Variants in FER1L6 observed in about 807,000 individuals in gnomAD.
FER1L6 encodes the protein fer-1 like family member 6, also known as fer-1-like protein 6.
Under a neutral mutation model 219.2 loss-of-function variants are expected in FER1L6, and 177 were observed. That is an observed-to-expected ratio of 0.81 (90% CI 0.71 to 0.91). The LOEUF (loss-of-function observed/expected upper bound fraction) is 0.91. Ranked by LOEUF, FER1L6 falls within the 40% of genes least tolerant of loss-of-function variation. The probability of loss-of-function intolerance (pLI) is 0.00; values close to 1 mark genes in which losing one functional copy is unlikely to be tolerated. For missense variants in FER1L6, 2,153 were observed against 2,259.9 expected (o/e 0.95, Z 0.96); for synonymous variants, 768 against 824.3 (o/e 0.93, Z 1.17).
chr8:123,879,614 C>T (rs575267234), intron 1 of FER1L6, among the ~76,000 whole-genome samples: 39 of 152,228 alleles, frequency 2.6e-4, no homozygotes, highest in African/African-American at 8.4e-4. Context: ...CATGAACCAC[C>T]GTGCCTGGCC....
intron 14 of FER1L6, among the ~76,000 whole-genome samples, chr8:124,011,696 G>A (rs4344054): frequency 6.7e-6 from 1 of 148,374 alleles, no homozygotes; most frequent in Non-Finnish European, 1.5e-5. Context: ...ATGCTACTCA[G>A]GCTGGTCTGG....
At position 123,864,195 on chromosome 8, in the gene FER1L6, A is replaced by G. The variant is rs565303765; in HGVS notation, c.-8+12010A>G. Among the ~76,000 whole-genome samples, 620 of 150,656 alleles carry G rather than the reference A, an allele frequency of 4.1e-3. 3 individuals carry two copies. Among genetic ancestry groups the G allele is most frequent in the South Asian group, 0.014 (67 of 4,806 alleles). ...GGCCTGGTGGTGACAAAATCTCAGC[A>G]TTTGCTTGTTTGTAAAGTATTTTAT... On this transcript the variant is annotated intron_variant, in intron 1 of 40. Coordinates refer to ENST00000522917, the MANE Select transcript of FER1L6 (RefSeq NM_001039112.2).
intron 1 of FER1L6, among the ~76,000 whole-genome samples, chr8:123,910,782 G>A (rs550554753): frequency 8.7e-4 from 132 of 151,336 alleles, no homozygotes; most frequent in Non-Finnish European, 1.1e-3. Flanking sequence ...GAAATGCTGT[G>A]TTTCAAATTC....
chr8:123,856,316 G>GTATGTATATATATATATATA (rs1554608010), intron 1 of FER1L6, among the ~76,000 whole-genome samples: 1 of 45,112 alleles, frequency 2.2e-5, no homozygotes, highest in African/African-American at 8.7e-5. Context: ...ATATGTATGT[G>GTATGTATATATATATATATA]TATATATATA....
At chr8:123,976,684 C>T (rs1346147964) in intron 9 of FER1L6, among the ~76,000 whole-genome samples, 1 of 152,160 alleles carries the variant, frequency 6.6e-6, no homozygotes, top group East Asian at 1.9e-4. Flanking sequence ...TTATTCAGTC[C>T]CCACATCCGG....
chr8:123,962,399 G>GTT (rs139546184), intron 2 of FER1L6, among the ~76,000 whole-genome samples: 3 of 151,354 alleles, frequency 2.0e-5, no homozygotes, highest in African/African-American at 7.3e-5. Flanking sequence ...TTAGAACACA[G>GTT]TTTTATTTTT....
At chr8:123,992,386 G>GT (rs1250637835) in intron 12 of FER1L6, among the ~76,000 whole-genome samples, 3 of 152,060 alleles carry the variant, frequency 2.0e-5, no homozygotes, top group Non-Finnish European at 2.9e-5. Context: ...CTCACTGCTT[G>GT]TTATTGGTCT....
chr8:123,989,955 T>C (rs1024688853), intron 12 of FER1L6, among the ~76,000 whole-genome samples: 1 of 152,180 alleles, frequency 6.6e-6, no homozygotes, highest in African/African-American at 2.4e-5. Flanking sequence ...GATTGAATGG[T>C]AGATCTACTT....
intron 2 of FER1L6, among the ~76,000 whole-genome samples, chr8:123,960,827 T>C (rs1274630533): frequency 1.3e-5 from 2 of 152,182 alleles, no homozygotes; most frequent in East Asian, 1.9e-4. Flanking sequence ...AGACCTTTTT[T>C]CTAAATAAGG....
At chr8:123,878,657 A>G (rs1458082250) in intron 1 of FER1L6, among the ~76,000 whole-genome samples, 1 of 152,228 alleles carries the variant, frequency 6.6e-6, no homozygotes, top group Non-Finnish European at 1.5e-5. Flanking sequence ...ATTAACATCT[A>G]TGAGGCATGT....
intron 2 of FER1L6, among the ~76,000 whole-genome samples, chr8:123,959,418 T>A (rs1412192029): frequency 6.6e-6 from 1 of 152,240 alleles, no homozygotes; most frequent in Non-Finnish European, 1.5e-5. Context: ...AGGTATTTTA[T>A]CTTGCTGCTT....
intron 22 of FER1L6, among the ~76,000 whole-genome samples, chr8:124,059,621 G>A (rs1008772102): frequency 1.3e-5 from 2 of 152,156 alleles, no homozygotes; most frequent in African/African-American, 2.4e-5. Flanking sequence ...AAGTGCACAA[G>A]AAGAGACAAG....
chr8:123,883,347 T>C (rs1030775179), intron 1 of FER1L6, among the ~76,000 whole-genome samples: 2 of 152,148 alleles, frequency 1.3e-5, no homozygotes, highest in Admixed American at 6.5e-5. Flanking sequence ...CAAAAAAGCA[T>C]TGGCATGCAG....
At chr8:124,101,364 A>G (rs919742321) in intron 38 of FER1L6, 26 bp downstream of exon 38, 12 of 1,600,582 alleles carry the variant, frequency 7.5e-6, no homozygotes, top group Non-Finnish European at 1.0e-5. Flanking sequence ...CATCAAGCAC[A>G]TATTAATGTT....
At chr8:123,917,527 G>C (rs1813224466) in intron 1 of FER1L6, among the ~76,000 whole-genome samples, 1 of 152,190 alleles carries the variant, frequency 6.6e-6, no homozygotes, top group Non-Finnish European at 1.5e-5. Context: ...ACTATTTGTT[G>C]AAAGCCTCCG....
intron 1 of FER1L6, among the ~76,000 whole-genome samples, chr8:123,923,989 T>C (rs1294536988): frequency 6.8e-6 from 1 of 146,030 alleles, no homozygotes; most frequent in Non-Finnish European, 1.5e-5. Context: ...GCATGGTGGC[T>C]CAAGCTTGTA....
chr8:124,113,996 G>T (rs1268156641), intron 39 of FER1L6, among the ~76,000 whole-genome samples: 1 of 152,172 alleles, frequency 6.6e-6, no homozygotes, highest in Admixed American at 6.5e-5. Context: ...GTGGTGTGGG[G>T]AATTCCTGTT....
intron 1 of FER1L6, chr8:123,939,226 T>C: frequency 4.1e-6 from 4 of 980,054 alleles, no homozygotes; most frequent in South Asian, 4.7e-5. Flanking sequence ...TCCATTCAGT[T>C]TGGGAACCAT....
chr8:124,109,756 C>G (rs898741058), intron 39 of FER1L6, among the ~76,000 whole-genome samples: 3 of 152,112 alleles, frequency 2.0e-5, no homozygotes, highest in African/African-American at 7.2e-5. Context: ...GGTAGGATAT[C>G]CTGAATACAG....
Sources: gnomAD v4.1 joint callset for allele counts (sites outside exome capture counted in the v4.1 genomes callset) on GRCh38, gnomAD v4.1.1 for gene constraint, MANE v1.5 for transcripts, NCBI Gene and HGNC (gene_info 2026-07-23, HGNC 2026-07-21) for gene names.